The following SESN3 variants were observed in gnomAD, a reference collection of about 807,000 sequenced individuals.
The protein encoded by SESN3 is sestrin 3, also known as sestrin-3.
SESN3 carries 21 observed loss-of-function variants against 55.3 expected under a neutral mutation model. That is an observed-to-expected ratio of 0.38 (90% confidence interval 0.27 to 0.55). SESN3 has a LOEUF of 0.55. Among genes scored for constraint, SESN3 ranks in the 20% least tolerant of loss-of-function variants. SESN3 has a pLI of 0.76. For missense variants in SESN3, 408 were observed against 604.3 expected, an observed-to-expected ratio of 0.68 and a Z score of 3.41; for synonymous variants, 181 against 203.1, an observed-to-expected ratio of 0.89 and a Z score of 0.93.
chr11:95,213,499 C>T (rs1375187580), intron 1 of SESN3, among the ~76,000 whole-genome samples: 3 of 152,096 alleles, frequency 2.0e-5, no homozygotes, highest in African/African-American at 7.2e-5. Flanking sequence ...GGTGAACAAG[C>T]AGCTAGAATC....
At chr11:95,222,478 T>A (rs141931556) in intron 1 of SESN3, among the ~76,000 whole-genome samples, 76 of 152,176 alleles carry the variant, frequency 5.0e-4, no homozygotes, top group African/African-American at 1.8e-3. Context: ...TTTTGGAAAA[T>A]GAGAAAAGTT....
intron 1 of SESN3, among the ~76,000 whole-genome samples, chr11:95,229,453 T>C (rs1861010045): frequency 6.6e-6 from 1 of 152,212 alleles, no homozygotes; most frequent in African/African-American, 2.4e-5. Context: ...TTAAGGCATA[T>C]TTAACTGTTC....
intron 2 of SESN3, among the ~76,000 whole-genome samples, chr11:95,193,165 C>T (rs537612948): frequency 1.4e-4 from 22 of 151,950 alleles, no homozygotes; most frequent in African/African-American, 5.3e-4. Context: ...TTTGGATCTG[C>T]ACTTAGGTGG....
intron 1 of SESN3, among the ~76,000 whole-genome samples, chr11:95,216,066 C>CCA (rs1359720370): frequency 2.7e-5 from 4 of 147,872 alleles, no homozygotes; most frequent in African/African-American, 1.0e-4. Context: ...CCACTGCACT[C>CCA]CAGCCTGGGC....
At chr11:95,184,363 A>G (rs775981510) in intron 6 of SESN3, 57 bp downstream of exon 6, 22 of 1,409,016 alleles carry the variant, frequency 1.6e-5, no homozygotes, top group Non-Finnish European at 2.1e-5. Context: ...AAAACACTGA[A>G]GTTGCCCTGT....
chr11:95,168,911 G>A lies in SESN3; in HGVS notation c.*4344C>T, dbSNP rs1046279546. 5 of 152,588 alleles carry A rather than the reference G, an allele frequency of 3.3e-5. No homozygotes were observed. The allele number at this position is 152,588 out of a possible 1,614,324, so 9.5% of individuals were successfully genotyped here. On this transcript the variant is annotated 3_prime_UTR_variant, in exon 10 of 10. Transcript: ENST00000536441. ...AGGAAGAAGCAGGCAGAAAAGGGTG[G>A]ACTGAATGCAGACAGGACCTCCCAC...
chr11:95,225,386 T>C (rs1251607140), intron 1 of SESN3, among the ~76,000 whole-genome samples: 1 of 152,228 alleles, frequency 6.6e-6, no homozygotes, highest in East Asian at 1.9e-4. Flanking sequence ...ACTCTTCTCC[T>C]ACTCCTTCAG....
chr11:95,180,076 C>G (rs1860031697), intron 6 of SESN3, among the ~76,000 whole-genome samples: 1 of 152,014 alleles, frequency 6.6e-6, no homozygotes, highest in African/African-American at 2.4e-5. Flanking sequence ...AGCTTCTAGT[C>G]TAGAAAATGA....
intron 4 of SESN3, among the ~76,000 whole-genome samples, chr11:95,188,302 A>G (rs1366404795): frequency 1.3e-5 from 2 of 151,638 alleles, no homozygotes; most frequent in Non-Finnish European, 2.9e-5. Context: ...ATATTTATAT[A>G]TGTGTACCGT....
At chr11:95,225,872 A>C (rs1164992933) in intron 1 of SESN3, among the ~76,000 whole-genome samples, 5 of 152,094 alleles carry the variant, frequency 3.3e-5, no homozygotes, top group African/African-American at 9.7e-5. Flanking sequence ...ATTTTCCTTA[A>C]CTCTTAGTCT....
intron 1 of SESN3, among the ~76,000 whole-genome samples, chr11:95,217,523 G>A (rs1054581930): frequency 6.6e-6 from 1 of 151,684 alleles, no homozygotes; most frequent in African/African-American, 2.4e-5. Context: ...ACGGTGGTGG[G>A]CACCTGTAAT....
At chr11:95,221,310 G>T (rs1042849162) in intron 1 of SESN3, among the ~76,000 whole-genome samples, 2 of 151,748 alleles carry the variant, frequency 1.3e-5, no homozygotes, top group Non-Finnish European at 2.9e-5. Flanking sequence ...AAAAAAAAAG[G>T]AAGTAAGAGT....
chr11:95,226,718 T>TTGTA (rs1175023285), intron 1 of SESN3, among the ~76,000 whole-genome samples: 1 of 152,116 alleles, frequency 6.6e-6, no homozygotes, highest in African/African-American at 2.4e-5. Flanking sequence ...GCAGAACAAA[T>TTGTA]TGTAATTCAA....
intron 4 of SESN3, among the ~76,000 whole-genome samples, chr11:95,189,256 ACTCTATTT>A (rs1860222191): frequency 6.6e-6 from 1 of 151,810 alleles, no homozygotes; most frequent in Non-Finnish European, 1.5e-5. Context: ...AATCACGACA[ACTCTATTT>A]CTCGTCTAAG....
At chr11:95,221,194 C>T (rs1275594024) in intron 1 of SESN3, among the ~76,000 whole-genome samples, 1 of 151,956 alleles carries the variant, frequency 6.6e-6, no homozygotes, top group Non-Finnish European at 1.5e-5. Flanking sequence ...ATCCCAGCTA[C>T]TTAGGAGGCT....
chr11:95,228,971 A>G (rs1860998292), intron 1 of SESN3, among the ~76,000 whole-genome samples: 1 of 152,210 alleles, frequency 6.6e-6, no homozygotes, highest in Non-Finnish European at 1.5e-5. Context: ...TCAAAAGAAA[A>G]ATGAAATACA....
rs192813774 is a variant in SESN3 at position 95,184,064 on chromosome 11, T to A, written c.937+356A>T. The A allele has an allele frequency of 1.2e-3, 369 of 297,936 alleles. 1 individual carries two copies. The highest frequency in any genetic ancestry group is 9.8e-3 in the East Asian group (175 of 17,936). The allele number at this position is 297,936 out of a possible 1,614,324, so 18.5% of individuals were successfully genotyped here. A position where few individuals can be genotyped will look rare whatever the true frequency, so the allele number is the denominator to read the frequency against. On this transcript the variant is annotated intron_variant, in intron 6 of 9. Transcript: ENST00000536441. The stretch of plus-strand genomic sequence containing the variant: ...CACCTACAAAAAAGGCAGTTTTTTT[T>A]AAAATTTTATCTATTGAAACAATAT...
At chr11:95,219,879 A>G (rs1054522) in intron 1 of SESN3, among the ~76,000 whole-genome samples, 18,797 of 152,170 alleles carry the variant, frequency 0.12, 1,584 homozygotes, top group Middle Eastern at 0.25. Flanking sequence ...CGTTATACCC[A>G]GTGGTTAGGT....
At chr11:95,216,158 A>G (rs913943577) in intron 1 of SESN3, among the ~76,000 whole-genome samples, 8 of 152,264 alleles carry the variant, frequency 5.3e-5, no homozygotes, top group Admixed American at 4.6e-4. Flanking sequence ...TTGATATACA[A>G]TAGACAGCAC....
Sources: gnomAD v4.1 joint callset for allele counts (sites outside exome capture counted in the v4.1 genomes callset) on GRCh38, gnomAD v4.1.1 for gene constraint, MANE v1.5 for transcripts, NCBI Gene and HGNC (gene_info 2026-07-23, HGNC 2026-07-21) for gene names.